E2F3: variants seen among roughly 807,000 people sequenced by gnomAD.
E2F3 encodes the protein transcription factor E2F3.
E2F3 carries 11 observed loss-of-function variants against 44.4 expected under a neutral mutation model. That is an observed-to-expected ratio of 0.25 (90% CI 0.16 to 0.41). E2F3 has a LOEUF of 0.41. Among genes scored for constraint, E2F3 ranks in the 10% least tolerant of loss-of-function variants. The probability of loss-of-function intolerance (pLI) is 1.00; values close to 1 mark genes in which losing one functional copy is unlikely to be tolerated. For missense variants in E2F3, 487 were observed against 583.6 expected (o/e 0.83, Z 1.70); for synonymous variants, 249 against 253.0 (o/e 0.98, Z 0.15).
At chr6:20,480,831 C>T (rs1023451916) in intron 2 of E2F3, among the ~76,000 whole-genome samples, 2 of 152,186 alleles carry the variant, frequency 1.3e-5, no homozygotes, top group Non-Finnish European at 2.9e-5. Context: ...GCTCCATCAC[C>T]GTAGGCCTCG....
intron 1 of E2F3, among the ~76,000 whole-genome samples, chr6:20,424,691 T>C (rs866034111): frequency 1.3e-5 from 2 of 150,788 alleles, no homozygotes; most frequent in Admixed American, 6.6e-5. Flanking sequence ...TTTAGGGTTA[T>C]AAGAAAAAAA....
rs570437636 is a variant in E2F3, at chr6:20,413,950, C to T, written c.393+11325C>T. 2.6e-5 allele frequency among the ~76,000 whole-genome samples: 4 copies of T among 152,206 alleles called. No individual in the cohort carries two copies. The South Asian group carries it at 8.3e-4, about 32-fold the overall frequency. ...CAGGGGCTGGAAGAATGGGTGAGGC[C>T]AAGCTTCTCCTCTGTCTGGGGTGTG... is the stretch of plus-strand genomic sequence containing the variant. On this transcript the variant is annotated intron_variant, in intron 1 of 6. Coordinates refer to ENST00000346618, the MANE Select transcript of E2F3 (RefSeq NM_001949.5).
Position 20,453,876 on chromosome 6 carries a change from A to G in E2F3, c.394-25970A>G, listed in dbSNP as rs544772396. On this transcript the variant is annotated intron_variant, in intron 1 of 6. Transcript: ENST00000346618. Reference sequence around the variant, plus strand: ...AACTGTGGGTCACCATTTTTTGGAAAGAATGTTTCAGTTCTCTTTTTAACT... The same window carrying G: ...AACTGTGGGTCACCATTTTTTGGAAGGAATGTTTCAGTTCTCTTTTTAACT... Among the ~76,000 whole-genome samples the G allele has an allele frequency of 6.6e-5, 10 of 152,322 alleles. No homozygotes were observed. In the South Asian group the frequency reaches 2.1e-3, roughly 32 times the overall value.
At chr6:20,445,878 C>T (rs375506612) in intron 1 of E2F3, among the ~76,000 whole-genome samples, 4 of 152,192 alleles carry the variant, frequency 2.6e-5, no homozygotes, top group East Asian at 1.9e-4. Context: ...TATTCCAGCT[C>T]GGGGTTTCTG....
intron 5 of E2F3, among the ~76,000 whole-genome samples, chr6:20,487,416 A>C (rs1323376140): frequency 6.6e-6 from 1 of 152,202 alleles, no homozygotes; most frequent in Non-Finnish European, 1.5e-5. Flanking sequence ...AAAAGATAAT[A>C]ATAGCTCTTT....
intron 1 of E2F3, among the ~76,000 whole-genome samples, chr6:20,477,321 A>G (rs1762081283): frequency 6.6e-6 from 1 of 152,128 alleles, no homozygotes; most frequent in Admixed American, 6.5e-5. Flanking sequence ...AACACATTTC[A>G]TATGGTATAT....
chr6:20,457,405 T>C (rs997079194), intron 1 of E2F3, among the ~76,000 whole-genome samples: 2 of 145,862 alleles, frequency 1.4e-5, no homozygotes, highest in African/African-American at 5.1e-5. Context: ...GCCAGGCTGC[T>C]CGATCTCTTG....
At chr6:20,457,654 G>T (rs1263033741) in intron 1 of E2F3, among the ~76,000 whole-genome samples, 1 of 152,118 alleles carries the variant, frequency 6.6e-6, no homozygotes, top group Non-Finnish European at 1.5e-5. Context: ...AGCTACACCT[G>T]CCACAATTGC....
rs936966586 is a variant in E2F3 at position 20,402,895 on chromosome 6, C to A, written c.393+270C>A. Among the ~76,000 whole-genome samples, 1 of 152,168 alleles carries A rather than the reference C, an allele frequency of 6.6e-6. No homozygotes were observed. The highest frequency in any genetic ancestry group is 2.4e-5 in the African/African-American group (1 of 41,446). On this transcript the variant is annotated intron_variant, in intron 1 of 6. Coordinates refer to ENST00000346618, the MANE Select transcript of E2F3 (RefSeq NM_001949.5). This position sits in a 1 kb window ranked among gnomAD's most constrained non-coding sequence, Gnocchi z 5.6. ...CACTCCAAAACTTTTCGCGGCCCCC[C>A]CTTCTTTTCCTGCACTTTTCCCTAC...
chr6:20,412,351 G>A (rs1759701590), intron 1 of E2F3, among the ~76,000 whole-genome samples: 1 of 152,024 alleles, frequency 6.6e-6, no homozygotes, highest in Non-Finnish European at 1.5e-5. Context: ...ATGTCTAGAG[G>A]TGAGATTAAG....
At chr6:20,485,535 G>A (rs1216044724) in intron 4 of E2F3, among the ~76,000 whole-genome samples, 1 of 152,022 alleles carries the variant, frequency 6.6e-6, no homozygotes, top group African/African-American at 2.4e-5. Flanking sequence ...GCTGAGATTG[G>A]GCCACTGAAC....
intron 1 of E2F3, among the ~76,000 whole-genome samples, chr6:20,450,767 A>G (rs1761103309): frequency 6.6e-6 from 1 of 152,168 alleles, no homozygotes; most frequent in South Asian, 2.1e-4. Context: ...TTTGGATTTT[A>G]CACTTACCTT....
chr6:20,478,700 T>C lies in E2F3; in HGVS notation c.394-1146T>C, dbSNP rs553479966. On this transcript the variant is annotated intron_variant, in intron 1 of 6. Transcript: ENST00000346618. The stretch of plus-strand genomic sequence containing the variant: ...GGCGTGCACCTGCAGTCCCAGCTAC[T>C]TGGGGAGGGCTGAGGCAGGAGAATC... Among the ~76,000 whole-genome samples, 4 of 152,132 alleles carry C rather than the reference T, an allele frequency of 2.6e-5. No individual in the cohort carries two copies. In the South Asian group the frequency reaches 8.3e-4, roughly 32 times the overall value.
At chr6:20,481,835 A>C (rs924737071) in intron 3 of E2F3, among the ~76,000 whole-genome samples, 1 of 152,096 alleles carries the variant, frequency 6.6e-6, no homozygotes, top group Non-Finnish European at 1.5e-5. Context: ...CTATGTGTAT[A>C]CGTACAACTG....
chr6:20,481,448 C>A (rs1762221469), intron 3 of E2F3, 23 bp downstream of exon 3: 2 of 1,609,066 alleles, frequency 1.2e-6, no homozygotes, highest in Admixed American at 3.3e-5. Context: ...CCTCCCCATG[C>A]CCCGGCTCTG....
intron 1 of E2F3, among the ~76,000 whole-genome samples, chr6:20,423,601 A>T (rs1482617073): frequency 7.2e-6 from 1 of 139,162 alleles, no homozygotes. Context: ...CTCCCAAGTA[A>T]CTGGGATTAC....
In E2F3 at chr6:20,491,625, C is replaced by CCA. The variant is rs1487589202; in HGVS notation, c.*1197_*1198dup. 1 of 193,526 alleles carries CCA rather than the reference C, an allele frequency of 5.2e-6. No homozygotes were observed. Among genetic ancestry groups the CCA allele is most frequent in the Non-Finnish European group, 1.1e-5 (1 of 92,540 alleles). 12.0% of individuals were successfully genotyped at this position (193,526 alleles called of 1,614,324 possible). A position where few individuals can be genotyped will look rare whatever the true frequency, so the allele number is the denominator to read the frequency against. On this transcript the variant is annotated 3_prime_UTR_variant, in exon 7 of 7. Transcript: ENST00000346618. ...CTCTCTTACACCGCACTCAGGGAGA[C>CCA]CACTTCTCAGGATGGGGTCAGATGG...
At chr6:20,407,824 G>T (rs192733275) in intron 1 of E2F3, among the ~76,000 whole-genome samples, 2 of 152,274 alleles carry the variant, frequency 1.3e-5, no homozygotes, top group Admixed American at 1.3e-4. Flanking sequence ...TTCCCTTTTA[G>T]TCATCTACTT....
chr6:20,453,499 C>T (rs1422032438), intron 1 of E2F3, among the ~76,000 whole-genome samples: 2 of 152,094 alleles, frequency 1.3e-5, no homozygotes, highest in African/African-American at 2.4e-5. Flanking sequence ...ACTGCAGCCT[C>T]GACCTCCTGT....
Sources: gnomAD v4.1 joint callset for allele counts (sites outside exome capture counted in the v4.1 genomes callset) on GRCh38, gnomAD v4.1.1 for gene constraint, Gnocchi (gnomAD v3.1) non-coding constraint, MANE v1.5 for transcripts, NCBI Gene and HGNC (gene_info 2026-07-23, HGNC 2026-07-21) for gene names.